SPATA16: variants seen among roughly 807,000 people sequenced by gnomAD.
SPATA16 encodes spermatogenesis associated 16, also known as spermatogenesis-associated protein 16.
In SPATA16, 36 loss-of-function variants were observed where a neutral mutation model predicts 63.3. The ratio of observed to expected loss-of-function variants is 0.57; its 90% confidence interval spans 0.44 to 0.75. SPATA16 has a LOEUF of 0.75. Among genes scored for constraint, SPATA16 ranks in the 30% least tolerant of loss-of-function variants. The pLI, the probability that SPATA16 is intolerant of heterozygous loss-of-function variation, is 0.00. For missense variants in SPATA16, 646 were observed against 679.3 expected, an observed-to-expected ratio of 0.95 and a Z score of 0.54; for synonymous variants, 203 against 216.7, an observed-to-expected ratio of 0.94 and a Z score of 0.56.
At chr3:173,020,109 A>G (rs1323975932) in intron 3 of SPATA16, among the ~76,000 whole-genome samples, 1 of 152,048 alleles carries the variant, frequency 6.6e-6, no homozygotes, top group Non-Finnish European at 1.5e-5. Flanking sequence ...CAGCCTGGCC[A>G]ACATGGTGAA....
chr3:172,967,678 C>T (rs999089845), intron 5 of SPATA16, among the ~76,000 whole-genome samples: 1 of 152,196 alleles, frequency 6.6e-6, no homozygotes, highest in African/African-American at 2.4e-5. Context: ...ACTGCCTGAG[C>T]TCCACCTCCA....
At position 172,979,053 on chromosome 3, in the gene SPATA16, C is replaced by T. The variant is rs534297987; in HGVS notation, c.849-2001G>A. On this transcript the variant is annotated intron_variant, in intron 4 of 10. Coordinates refer to ENST00000351008, the MANE Select transcript of SPATA16 (RefSeq NM_031955.6). ...GAGATCGAGACCATCCTGGCTAACA[C>T]GGTGAAACCCCATCTCTACTAAAAA... Among the ~76,000 whole-genome samples the T allele has an allele frequency of 3.9e-3, 600 of 152,096 alleles. 2 individuals are homozygous for T. Among genetic ancestry groups the T allele is most frequent in the Admixed American group, 0.014 (211 of 15,276 alleles).
intron 10 of SPATA16, among the ~76,000 whole-genome samples, chr3:172,902,641 T>G (rs1177532785): frequency 6.6e-6 from 1 of 152,238 alleles, no homozygotes; most frequent in Non-Finnish European, 1.5e-5. Context: ...CTTACTTTAT[T>G]CTACATCTAA....
chr3:172,935,937 T>A (rs1241831250), intron 6 of SPATA16, among the ~76,000 whole-genome samples: 1 of 152,164 alleles, frequency 6.6e-6, no homozygotes, highest in African/African-American at 2.4e-5. Context: ...TGGGGAAGGA[T>A]GCAAAATAAC....
chr3:172,992,822 C>A (rs1401265762), intron 4 of SPATA16, among the ~76,000 whole-genome samples: 1 of 152,054 alleles, frequency 6.6e-6, no homozygotes, highest in East Asian at 1.9e-4. Flanking sequence ...GAGCTTGCAC[C>A]CCTGAGAGAC....
At chr3:173,036,840 G>A (rs1735723733) in intron 3 of SPATA16, among the ~76,000 whole-genome samples, 1 of 151,820 alleles carries the variant, frequency 6.6e-6, no homozygotes, top group Non-Finnish European at 1.5e-5. Context: ...CTGCTTTCAT[G>A]CATGTTTAAA....
intron 10 of SPATA16, among the ~76,000 whole-genome samples, chr3:172,893,161 A>G (rs1302154471): frequency 1.3e-5 from 2 of 152,204 alleles, no homozygotes; most frequent in Non-Finnish European, 2.9e-5. Context: ...CTAAATTTAT[A>G]TGTTAAAGTC....
chr3:173,058,152 A>G (rs1577152719), intron 2 of SPATA16, among the ~76,000 whole-genome samples: 1 of 152,288 alleles, frequency 6.6e-6, no homozygotes, highest in Non-Finnish European at 1.5e-5. Flanking sequence ...TGGTATTGTT[A>G]TCCATACTAC....
intron 1 of SPATA16, among the ~76,000 whole-genome samples, chr3:173,122,010 C>A (rs906416944): frequency 3.9e-5 from 6 of 152,136 alleles, no homozygotes; most frequent in Admixed American, 2.0e-4. Flanking sequence ...TACTTAAAAA[C>A]TATTAGACCA....
chr3:173,058,375 C>A (rs920577614), intron 2 of SPATA16, among the ~76,000 whole-genome samples: 4 of 152,076 alleles, frequency 2.6e-5, no homozygotes, highest in African/African-American at 7.2e-5. Flanking sequence ...CGGGTTTGAT[C>A]ATTTTCAAAT....
intron 4 of SPATA16, among the ~76,000 whole-genome samples, chr3:172,996,972 C>G (rs1017969335): frequency 5.9e-5 from 9 of 151,988 alleles, no homozygotes; most frequent in Non-Finnish European, 1.3e-4. Flanking sequence ...GAGCTCATTT[C>G]TTTTTAGTGC....
chr3:173,110,759 C>G (rs970408838), intron 2 of SPATA16, among the ~76,000 whole-genome samples: 1 of 152,188 alleles, frequency 6.6e-6, no homozygotes, highest in African/African-American at 2.4e-5. Context: ...ATTCAGTGCC[C>G]TGTCCATCAC....
intron 5 of SPATA16, among the ~76,000 whole-genome samples, chr3:172,971,230 A>C (rs1378845559): frequency 6.6e-6 from 1 of 152,210 alleles, no homozygotes; most frequent in Non-Finnish European, 1.5e-5. Flanking sequence ...TCCCAAACTC[A>C]ACTGAAGCAC....
At position 172,961,076 on chromosome 3, in the gene SPATA16, TCC is replaced by T. The variant is rs1560080385; in HGVS notation, c.934-4254_934-4253del. Among the ~76,000 whole-genome samples the T allele has an allele frequency of 1.7e-3, 230 of 133,608 alleles. 7 individuals are homozygous for T. Among genetic ancestry groups the T allele is most frequent in the African/African-American group, 6.4e-3 (205 of 32,152 alleles). 87.7% of individuals were successfully genotyped at this position (133,608 alleles called of 152,430 possible). A position where few individuals can be genotyped will look rare whatever the true frequency, so the allele number is the denominator to read the frequency against. ...CTTTCTTTCTTTCTTCTTTCTTCCT[TCC>T]TTCCTTCCTTCCTTCCTTCCTTCCT... On this transcript the variant is annotated intron_variant, in intron 5 of 10. Coordinates refer to ENST00000351008, the MANE Select transcript of SPATA16 (RefSeq NM_031955.6).
intron 10 of SPATA16, among the ~76,000 whole-genome samples, chr3:172,909,453 C>T (rs1732313870): frequency 6.6e-6 from 1 of 152,132 alleles, no homozygotes; most frequent in South Asian, 2.1e-4. Flanking sequence ...AAAATACTCC[C>T]CTTCTTGACA....
rs140023792 is a variant in SPATA16 at position 172,955,458 on chromosome 3, CT to C, written c.1081+1218del. Among the ~76,000 whole-genome samples, 30 of 151,380 alleles carry C rather than the reference CT, an allele frequency of 2.0e-4. 1 individual carries two copies. Among genetic ancestry groups the C allele is most frequent in the South Asian group, 4.2e-4 (2 of 4,768 alleles). ...TTAACAAAAAATATGAGTTCGAAGACTTTTTTTTTAACCTGCTTTCTTATGA... is the reference window on the plus strand; with the variant it reads ...TTAACAAAAAATATGAGTTCGAAGACTTTTTTTTAACCTGCTTTCTTATGA... On this transcript the variant is annotated intron_variant, in intron 6 of 10. Coordinates refer to ENST00000351008, the MANE Select transcript of SPATA16 (RefSeq NM_031955.6).
intron 3 of SPATA16, among the ~76,000 whole-genome samples, chr3:173,029,733 T>C (rs868371639): frequency 6.6e-6 from 1 of 152,050 alleles, no homozygotes; most frequent in Admixed American, 6.6e-5. Context: ...TCACAAGATA[T>C]GCAAAACTGC....
At chr3:173,053,979 G>C (rs1488078903) in intron 2 of SPATA16, among the ~76,000 whole-genome samples, 1 of 151,908 alleles carries the variant, frequency 6.6e-6, no homozygotes, top group East Asian at 1.9e-4. Context: ...TATCATAATA[G>C]AAGATATATC....
chr3:172,938,203 C>G (rs1240002248), intron 6 of SPATA16, among the ~76,000 whole-genome samples: 1 of 152,104 alleles, frequency 6.6e-6, no homozygotes, highest in Non-Finnish European at 1.5e-5. Context: ...ATGGGTCTTA[C>G]AGATGCTATA....
Sources: allele counts gnomAD v4.1 joint callset (sites outside exome capture counted in the v4.1 genomes callset), GRCh38; gene constraint gnomAD v4.1.1; transcripts MANE v1.5; gene names NCBI Gene and HGNC (gene_info 2026-07-23, HGNC 2026-07-21).